Variants in HERC2 observed in about 807,000 individuals in gnomAD.
HERC2 encodes HECT and RLD domain containing E3 ubiquitin protein ligase 2, also known as E3 ubiquitin-protein ligase HERC2.
HERC2 carries 102 observed loss-of-function variants against 537.7 expected under a neutral mutation model. The observed-to-expected ratio is 0.19, with a 90% confidence interval of 0.16 to 0.22. The LOEUF is 0.22. Ranked by LOEUF, HERC2 falls within the 10% of genes least tolerant of loss-of-function variation. The pLI, the probability that HERC2 is intolerant of heterozygous loss-of-function variation, is 1.00. For synonymous variants in HERC2, 2,224 were observed against 2,466.2 expected (o/e 0.90, Z 2.91); for missense variants, 4,236 against 6,198.2 (o/e 0.68, Z 10.63).
chr15:28,155,061 C>T (rs1892853920), intron 69 of HERC2, among the ~76,000 whole-genome samples: 1 of 151,640 alleles, frequency 6.6e-6, no homozygotes, highest in African/African-American at 2.4e-5. Context: ...ATGATGGTTT[C>T]CAGCTCATCC....
chr15:28,133,846 GTC>G (rs760153487), intron 79 of HERC2, among the ~76,000 whole-genome samples: 2 of 152,134 alleles, frequency 1.3e-5, no homozygotes, highest in Non-Finnish European at 2.9e-5. Context: ...TGATGTATCT[GTC>G]TCTCTCTTTT....
In HERC2 at chr15:28,232,624, T is replaced by A. The variant is rs576776094; in HGVS notation, c.4675+522A>T. Among the ~76,000 whole-genome samples, 314 of 152,302 alleles carry A rather than the reference T, an allele frequency of 2.1e-3. 1 individual carries two copies. Among genetic ancestry groups the A allele is most frequent in the African/African-American group, 7.1e-3 (297 of 41,580 alleles). On this transcript the variant is annotated intron_variant, in intron 30 of 92. Coordinates refer to ENST00000261609, the MANE Select transcript of HERC2 (RefSeq NM_004667.6). ...AATCACAAGTGACTAAATTCTAAAC[T>A]ATTTTATAATTTCTAAGCATTTTTA... is the stretch of plus-strand genomic sequence containing the variant.
In HERC2 at chr15:28,142,263, G is replaced by A. The variant is rs1451772766; in HGVS notation, c.11675C>T (p.Pro3892Leu). 9.9e-6 allele frequency: 16 copies of A among 1,614,084 alleles called. No homozygotes were observed. Among genetic ancestry groups the A allele is most frequent in the Admixed American group, 1.7e-5 (1 of 60,008 alleles). ...CTCATCAAGAAACAGACGGGGCAAC[G>A]GTGTTCTTTTGTCAAGGGCCACAGC... ...RVAVALDKRT[P>L]LPRLFLDEVA... The change falls in exon 76 of 93, where the codon CCG becomes CTG. Residue 3892 changes from proline (P) to leucine (L), a missense_variant. By Grantham distance (98) the Pro-to-Leu change is moderately conservative. Around this residue, in one of 27 missense-constraint regions of HERC2, gnomAD observed 156 missense variants for 172.3 expected, o/e 0.91. Coordinates refer to ENST00000261609, the MANE Select transcript of HERC2 (RefSeq NM_004667.6).
chr15:28,144,112 G>A lies in HERC2; in HGVS notation c.11264C>T (p.Ala3755Val). ...SNRSIVPRLA[A>V]SLAACAQLSA... Reference sequence around the variant, plus strand: ...CAGCTGTGCACAAGCTGCCAGCGAGGCCGCAAGGCGAGGGACGATGCTTCT... The same window carrying A: ...CAGCTGTGCACAAGCTGCCAGCGAGACCGCAAGGCGAGGGACGATGCTTCT... The change falls in exon 73 of 93, where the codon GCC becomes GTC. Residue 3755 changes from alanine to valine, a missense_variant. Transcript: ENST00000261609. The A allele has an allele frequency of 2.5e-6, 4 of 1,614,202 alleles. No homozygotes were observed. The highest frequency in any genetic ancestry group is 3.4e-6 in the Non-Finnish European group (4 of 1,180,044).
intron 38 of HERC2, among the ~76,000 whole-genome samples, chr15:28,217,313 C>T (rs1315444575): frequency 6.6e-6 from 1 of 152,094 alleles, no homozygotes; most frequent in Non-Finnish European, 1.5e-5. Context: ...AGTCACCTGC[C>T]CACTTACATG....
chr15:28,247,469 C>T (rs1903829000), intron 21 of HERC2, among the ~76,000 whole-genome samples: 1 of 147,222 alleles, frequency 6.8e-6, no homozygotes, highest in Non-Finnish European at 1.5e-5. Context: ...ACTCTTGTCG[C>T]CCAGGCTGGA....
Position 28,113,249 on chromosome 15 carries a change from A to G in HERC2, c.14054T>C (p.Leu4685Pro), listed in dbSNP as rs760215881. The G allele has an allele frequency of 6.2e-7, 1 of 1,614,106 alleles. No homozygotes were observed. The change falls in exon 92 of 93, where the codon CTC (leucine) becomes CCC (proline). Residue 4685 changes from leucine to proline, a missense_variant. By Grantham distance (98) the Leu-to-Pro change is moderately conservative. Transcript: ENST00000261609. The surrounding 1 kb of genome is among the most constrained non-coding windows in gnomAD (Gnocchi z 7.0). Reference protein sequence around the residue: ...CGSPDIPLHLLKSVATYKGIE... With the variant: ...CGSPDIPLHLPKSVATYKGIE... ...GCCTTTATAGGTGGCCACCGACTTG[A>G]GAAGGTGCAGCGGGATGTCAGGGCT...
intron 52 of HERC2, among the ~76,000 whole-genome samples, chr15:28,194,523 T>C (rs1382906026): frequency 6.6e-6 from 1 of 150,802 alleles, no homozygotes; most frequent in Non-Finnish European, 1.5e-5. Context: ...TGAGCCAAGA[T>C]CACGCGCCAC....
At chr15:28,204,983 G>A (rs1596219562) in intron 45 of HERC2, among the ~76,000 whole-genome samples, 1 of 152,038 alleles carries the variant, frequency 6.6e-6, no homozygotes, top group South Asian at 2.1e-4. Flanking sequence ...CAAAAATCAA[G>A]CCAAAGATGC....
At chr15:28,315,180 G>A (rs1388183711) in intron 2 of HERC2, among the ~76,000 whole-genome samples, 1 of 152,172 alleles carries the variant, frequency 6.6e-6, no homozygotes, top group Non-Finnish European at 1.5e-5. Context: ...ATAGTCCAAG[G>A]AGGAAAGAAA....
chr15:28,237,256 A>C (rs1596302506), intron 25 of HERC2, 143 bp from the exon 26 acceptor site: 1 of 645,386 alleles, frequency 1.5e-6, no homozygotes, highest in East Asian at 2.8e-5. Flanking sequence ...TCCTGTAATG[A>C]GTTGATGCTG....
At chr15:28,159,980 A>C (rs1326906921) in intron 69 of HERC2, among the ~76,000 whole-genome samples, 1 of 152,106 alleles carries the variant, frequency 6.6e-6, no homozygotes, top group African/African-American at 2.4e-5. Flanking sequence ...GGTCTGTTGG[A>C]GTTTGCTGGA....
At chr15:28,313,847 G>C (rs868590361) in intron 2 of HERC2, among the ~76,000 whole-genome samples, 1 of 152,116 alleles carries the variant, frequency 6.6e-6, no homozygotes, top group African/African-American at 2.4e-5. Context: ...GGAAGAAAGA[G>C]GCCCAGAGAA....
chr15:28,295,561 G>A (rs2076446500), intron 3 of HERC2, among the ~76,000 whole-genome samples: 1 of 152,062 alleles, frequency 6.6e-6, no homozygotes. Context: ...ACCATGCCCA[G>A]CTAATTTTTT....
In HERC2 at chr15:28,251,213, C is replaced by T. The variant is rs1356466104; in HGVS notation, c.3051-2477G>A. Among the ~76,000 whole-genome samples, 5 of 152,242 alleles carry T rather than the reference C, an allele frequency of 3.3e-5. No individual in the cohort carries two copies. The East Asian group carries it at 5.8e-4, about 18-fold the overall frequency. The stretch of plus-strand genomic sequence containing the variant: ...ATCCCAACACTTTTGGAGGCCAAGG[C>T]GGGCAGATTACCTCAGGTTGGGAGT... On this transcript the variant is annotated intron_variant, in intron 20 of 92. Coordinates refer to ENST00000261609, the MANE Select transcript of HERC2 (RefSeq NM_004667.6).
intron 38 of HERC2, among the ~76,000 whole-genome samples, chr15:28,217,455 C>T (rs1225360257): frequency 6.6e-6 from 1 of 152,308 alleles, no homozygotes; most frequent in African/African-American, 2.4e-5. Context: ...CGCTCCAGCA[C>T]ACCACTAATA....
chr15:28,247,320 A>G (rs1903803803), intron 21 of HERC2, among the ~76,000 whole-genome samples: 1 of 151,570 alleles, frequency 6.6e-6, no homozygotes, highest in Non-Finnish European at 1.5e-5. Flanking sequence ...TTTTATATCT[A>G]GTACACAAAT....
intron 56 of HERC2, among the ~76,000 whole-genome samples, chr15:28,185,771 T>C (rs1344595950): frequency 6.6e-6 from 1 of 152,228 alleles, no homozygotes; most frequent in Admixed American, 6.5e-5. Flanking sequence ...GACAGATCAA[T>C]GCTCCAATGC....
chr15:28,212,922 T>C (rs1416559086), intron 42 of HERC2: 1 of 440,158 alleles, frequency 2.3e-6, no homozygotes, highest in Non-Finnish European at 3.0e-6. Flanking sequence ...TTATAGAAAA[T>C]ATAGTCAGGC....
Sources: gnomAD v4.1 joint callset for allele counts (sites outside exome capture counted in the v4.1 genomes callset) on GRCh38, gnomAD v4.1.1 for gene constraint, gnomAD v4.1.1 regional missense constraint, Gnocchi (gnomAD v3.1) non-coding constraint, MANE v1.5 for transcripts, NCBI Gene and HGNC (gene_info 2026-07-23, HGNC 2026-07-21) for gene names.